Variants in HELZ observed in about 807,000 individuals in gnomAD.
HELZ encodes the protein ATP-dependent RNA helicase with zinc finger domain.
In HELZ, 23 loss-of-function variants were observed where a neutral mutation model predicts 218.2. The ratio of observed to expected loss-of-function variants is 0.11; its 90% confidence interval spans 0.08 to 0.15. The LOEUF (loss-of-function observed/expected upper bound fraction) is 0.15. Ranked by LOEUF, HELZ falls within the 10% of genes least tolerant of loss-of-function variation. The pLI, the probability that HELZ is intolerant of heterozygous loss-of-function variation, is 1.00. For missense variants in HELZ, 1,813 were observed against 2,353.7 expected, an observed-to-expected ratio of 0.77 and a Z score of 4.75; for synonymous variants, 814 against 829.4, an observed-to-expected ratio of 0.98 and a Z score of 0.32.
intron 17 of HELZ, among the ~76,000 whole-genome samples, chr17:67,151,916 C>A (rs543723587): frequency 1.3e-5 from 2 of 152,312 alleles, no homozygotes; most frequent in South Asian, 4.1e-4. Flanking sequence ...ACCCATGTAA[C>A]AAAGATTCAT....
At chr17:67,083,782 C>T (rs192093220) in intron 32 of HELZ, among the ~76,000 whole-genome samples, 42 of 152,346 alleles carry the variant, frequency 2.8e-4, no homozygotes, top group Non-Finnish European at 2.2e-4. Flanking sequence ...ATTCCCCACC[C>T]TCTGCAGTGC....
At chr17:67,213,438 A>G (rs1317600179) in intron 5 of HELZ, among the ~76,000 whole-genome samples, 1 of 152,144 alleles carries the variant, frequency 6.6e-6, no homozygotes, top group African/African-American at 2.4e-5. Flanking sequence ...CCTGGCCAAC[A>G]TGGTGAAACC....
intron 3 of HELZ, among the ~76,000 whole-genome samples, chr17:67,223,217 G>C (rs1460826445): frequency 6.6e-6 from 1 of 151,820 alleles, no homozygotes. Flanking sequence ...CCGAGATCGC[G>C]CCACTGCACT....
intron 23 of HELZ, among the ~76,000 whole-genome samples, chr17:67,135,484 G>C (rs1167583226): frequency 2.0e-5 from 3 of 152,134 alleles, no homozygotes; most frequent in African/African-American, 7.2e-5. Flanking sequence ...TTCTCAGTGA[G>C]GTCTGCTCTC....
At chr17:67,126,745 C>A (rs2037810628) in intron 24 of HELZ, among the ~76,000 whole-genome samples, 1 of 152,082 alleles carries the variant, frequency 6.6e-6, no homozygotes, top group South Asian at 2.1e-4. Context: ...GCTATAGTCC[C>A]AGCTAGTTGG....
At chr17:67,140,679 G>A (rs1214797640) in intron 21 of HELZ, among the ~76,000 whole-genome samples, 2 of 152,060 alleles carry the variant, frequency 1.3e-5, no homozygotes, top group African/African-American at 4.8e-5. Context: ...AAGAAATAAT[G>A]GCTAAAAATT....
At chr17:67,147,386 T>A (rs747817813) in intron 20 of HELZ, among the ~76,000 whole-genome samples, 1 of 152,236 alleles carries the variant, frequency 6.6e-6, no homozygotes, top group Non-Finnish European at 1.5e-5. Flanking sequence ...AATTTGGGTA[T>A]GTCAGGCCTC....
At chr17:67,169,065 C>G (rs1460326870) in intron 13 of HELZ, among the ~76,000 whole-genome samples, 2 of 151,754 alleles carry the variant, frequency 1.3e-5, no homozygotes, top group African/African-American at 4.8e-5. Context: ...TGCACTCCAG[C>G]CTGGGCAACA....
At chr17:67,157,918 G>A (rs1051537560) in intron 17 of HELZ, among the ~76,000 whole-genome samples, 4 of 152,078 alleles carry the variant, frequency 2.6e-5, no homozygotes, top group African/African-American at 9.7e-5. Flanking sequence ...AAATCTGCCA[G>A]AACCAGATAC....
intron 14 of HELZ, among the ~76,000 whole-genome samples, 166 bp from the exon 15 acceptor site, chr17:67,166,774 T>C (rs1482873302): frequency 6.6e-6 from 1 of 152,190 alleles, no homozygotes; most frequent in African/African-American, 2.4e-5. Flanking sequence ...ATTTGCTTTG[T>C]TCATTTATAA....
At chr17:67,086,631 A>AAAATAT (rs1555594208) in intron 32 of HELZ, among the ~76,000 whole-genome samples, 198 bp downstream of exon 32, 6 of 93,318 alleles carry the variant, frequency 6.4e-5, no homozygotes, top group African/African-American at 2.9e-4. Context: ...TATAAATATA[A>AAAATAT]ATATATATAT....
intron 15 of HELZ, among the ~76,000 whole-genome samples, chr17:67,166,039 G>A (rs544785694): frequency 6.6e-6 from 1 of 152,218 alleles, no homozygotes; most frequent in African/African-American, 2.4e-5. Context: ...AGAGGCTGAG[G>A]CAGGAGAGTT....
chr17:67,120,279 T>C (rs375831832), intron 27 of HELZ, 126 bp downstream of exon 27: 59 of 765,878 alleles, frequency 7.7e-5, no homozygotes, highest in Middle Eastern at 7.4e-4. Flanking sequence ...GCTGGTAGAT[T>C]CTCTCTCAAA....
At chr17:67,093,613 G>A (rs11656555) in intron 31 of HELZ, among the ~76,000 whole-genome samples, 28,699 of 151,836 alleles carry the variant, frequency 0.19, 2,772 homozygotes, top group African/African-American at 0.24. Flanking sequence ...GAGCCTACTA[G>A]GACTGAGGAA....
chr17:67,131,934 A>C (rs942062053), intron 23 of HELZ, among the ~76,000 whole-genome samples: 9 of 152,182 alleles, frequency 5.9e-5, no homozygotes, highest in African/African-American at 2.2e-4. Context: ...TTGACAGATC[A>C]CAATAGAATG....
chr17:67,241,839 A>AC (rs1303398235), intron 2 of HELZ, among the ~76,000 whole-genome samples: 1 of 152,198 alleles, frequency 6.6e-6, no homozygotes, highest in East Asian at 1.9e-4. Flanking sequence ...CTTCTACCTC[A>AC]CCACAACCTT....
intron 3 of HELZ, among the ~76,000 whole-genome samples, chr17:67,219,475 T>C (rs2040688062): frequency 6.6e-6 from 1 of 152,248 alleles, no homozygotes; most frequent in African/African-American, 2.4e-5. Context: ...ACTTATTCCA[T>C]CTGCCTAAAG....
rs2039823810 is a variant in HELZ at position 67,188,784 on chromosome 17, T to TA, written c.865-169dup. 6.6e-6 allele frequency among the ~76,000 whole-genome samples: 1 copy of TA among 152,192 alleles called. No homozygotes were observed. Among genetic ancestry groups the TA allele is most frequent in the Non-Finnish European group, 1.5e-5 (1 of 68,018 alleles). The stretch of plus-strand genomic sequence containing the variant: ...AGAATGGTTTTTTAAAATCAGTTGT[T>TA]AAAATTATTTATTTATGCTATATCG... On this transcript the variant is annotated intron_variant, in intron 11 of 32. Transcript: ENST00000358691. The surrounding 1 kb of genome is among the most constrained non-coding windows in gnomAD (Gnocchi z 4.1).
chr17:67,088,167 T>G (rs1242990986), intron 31 of HELZ, among the ~76,000 whole-genome samples: 1 of 152,256 alleles, frequency 6.6e-6, no homozygotes. Flanking sequence ...TATATAAAGA[T>G]AAGATTCCAC....
Sources: gnomAD v4.1 joint callset for allele counts (sites outside exome capture counted in the v4.1 genomes callset) on GRCh38, gnomAD v4.1.1 for gene constraint, Gnocchi (gnomAD v3.1) non-coding constraint, MANE v1.5 for transcripts, NCBI Gene and HGNC (gene_info 2026-07-23, HGNC 2026-07-21) for gene names.